The following FBXL7 variants were observed in gnomAD, a reference collection of about 807,000 sequenced individuals.
FBXL7 encodes the protein F-box and leucine rich repeat protein 7.
FBXL7 carries 12 observed loss-of-function variants against 38.3 expected under a neutral mutation model. That is an observed-to-expected ratio of 0.31 (90% CI 0.20 to 0.51). FBXL7 has a LOEUF of 0.51. Among genes scored for constraint, FBXL7 ranks in the 20% least tolerant of loss-of-function variants. FBXL7 has a pLI of 0.98. For synonymous variants in FBXL7, 297 were observed against 300.9 expected, an observed-to-expected ratio of 0.99 and a Z score of 0.13; for missense variants, 567 against 676.4, an observed-to-expected ratio of 0.84 and a Z score of 1.79.
intron 2 of FBXL7, among the ~76,000 whole-genome samples, chr5:15,720,120 A>T (rs918413313): frequency 4.0e-5 from 6 of 149,142 alleles, no homozygotes; most frequent in African/African-American, 1.5e-4. Context: ...TGTGCGTAAA[A>T]TAGGATGTTA....
rs371293320 is a variant in FBXL7 at position 15,777,720 on chromosome 5, TAAAAAAAAAA to T, written c.128-150153_128-150144del. 4.4e-3 allele frequency among the ~76,000 whole-genome samples: 359 copies of T among 82,524 alleles called. 1 individual carries two copies. Among genetic ancestry groups the T allele is most frequent in the Middle Eastern group, 0.022 (3 of 138 alleles). 54.1% of individuals were successfully genotyped at this position (82,524 alleles called of 152,430 possible). ...TATTGTTTGCAAACCCCTATTCTGG[TAAAAAAAAAA>T]AAAAAAAAAAAAAAAAGTAAATTCC... On this transcript the variant is annotated intron_variant, in intron 2 of 3. Transcript: ENST00000504595.
intron 1 of FBXL7, among the ~76,000 whole-genome samples, chr5:15,571,092 TAAAAAAAA>T (rs397996852): frequency 7.7e-6 from 1 of 129,300 alleles, no homozygotes; most frequent in African/African-American, 2.9e-5. Flanking sequence ...ATTCTGTCTT[TAAAAAAAA>T]AAAAAAAAAA....
chr5:15,738,238 G>A (rs905779224), intron 2 of FBXL7, among the ~76,000 whole-genome samples: 24 of 152,100 alleles, frequency 1.6e-4, no homozygotes, highest in Non-Finnish European at 7.3e-5. Context: ...TTCCTTACAT[G>A]TGAAATTAGG....
chr5:15,638,964 T>A (rs113965895), intron 2 of FBXL7, among the ~76,000 whole-genome samples: 5 of 152,176 alleles, frequency 3.3e-5, no homozygotes, highest in Admixed American at 1.3e-4. Flanking sequence ...TAAACCAAAG[T>A]TGGAATTCTC....
chr5:15,846,930 A>T (rs1437284330), intron 2 of FBXL7, among the ~76,000 whole-genome samples: 3 of 152,226 alleles, frequency 2.0e-5, no homozygotes, highest in Admixed American at 2.0e-4. Flanking sequence ...ATTAAAAATT[A>T]TAAGAAAAAA....
intron 1 of FBXL7, among the ~76,000 whole-genome samples, chr5:15,556,084 C>CATCTATCT (rs3033683): frequency 2.8e-3 from 415 of 150,550 alleles, no homozygotes; most frequent in Admixed American, 7.5e-3. Flanking sequence ...TATTATCTAT[C>CATCTATCT]ATCTATCTAT....
intron 2 of FBXL7, among the ~76,000 whole-genome samples, chr5:15,884,922 A>T (rs2126350339): frequency 6.6e-6 from 1 of 152,316 alleles, no homozygotes; most frequent in Admixed American, 6.5e-5. Flanking sequence ...CCAATCAATG[A>T]TGGAGAATGT....
At chr5:15,850,206 T>C (rs1739050327) in intron 2 of FBXL7, among the ~76,000 whole-genome samples, 1 of 152,210 alleles carries the variant, frequency 6.6e-6, no homozygotes, top group Admixed American at 6.5e-5. Context: ...TGGTAAGAGA[T>C]TAAGGCAATC....
intron 2 of FBXL7, among the ~76,000 whole-genome samples, chr5:15,869,006 G>T (rs1257165595): frequency 6.6e-6 from 1 of 152,124 alleles, no homozygotes; most frequent in Non-Finnish European, 1.5e-5. Flanking sequence ...CCAGGCACAG[G>T]TTAGCTAGGG....
At chr5:15,516,100 T>C (rs1351756498) in intron 1 of FBXL7, among the ~76,000 whole-genome samples, 1 of 152,220 alleles carries the variant, frequency 6.6e-6, no homozygotes, top group African/African-American at 2.4e-5. Flanking sequence ...AAAATTCTTT[T>C]TTTTTGATAC....
intron 1 of FBXL7, among the ~76,000 whole-genome samples, chr5:15,600,687 T>C (rs1739763506): frequency 6.6e-6 from 1 of 152,156 alleles, no homozygotes; most frequent in African/African-American, 2.4e-5. Flanking sequence ...ACATATATAA[T>C]CCCTTTTTCT....
At chr5:15,718,038 C>T (rs1744092047) in intron 2 of FBXL7, among the ~76,000 whole-genome samples, 1 of 152,034 alleles carries the variant, frequency 6.6e-6, no homozygotes, top group African/African-American at 2.4e-5. Context: ...GGGATAATAT[C>T]CTTCATAGAA....
intron 2 of FBXL7, among the ~76,000 whole-genome samples, chr5:15,874,254 T>C (rs1391802819): frequency 6.6e-6 from 1 of 152,190 alleles, no homozygotes; most frequent in African/African-American, 2.4e-5. Flanking sequence ...AAACTAGGTA[T>C]TGATGAAACA....
chr5:15,618,994 G>C (rs932449044), intron 2 of FBXL7, among the ~76,000 whole-genome samples: 2 of 152,180 alleles, frequency 1.3e-5, no homozygotes, highest in Non-Finnish European at 2.9e-5. Flanking sequence ...AAATTAAAAA[G>C]AGAAGTTCAT....
chr5:15,668,232 G>C (rs1281090223), intron 2 of FBXL7, among the ~76,000 whole-genome samples: 1 of 152,130 alleles, frequency 6.6e-6, no homozygotes, highest in Non-Finnish European at 1.5e-5. Context: ...ACATTGAACT[G>C]TTCCCTATGT....
At chr5:15,912,725 T>C (rs1741470674) in intron 2 of FBXL7, among the ~76,000 whole-genome samples, 1 of 152,124 alleles carries the variant, frequency 6.6e-6, no homozygotes, top group South Asian at 2.1e-4. Context: ...AGGCCCATGT[T>C]ACTCCACCAT....
intron 2 of FBXL7, among the ~76,000 whole-genome samples, chr5:15,731,670 CCTTT>C (rs1459409440): frequency 3.3e-5 from 5 of 152,218 alleles, no homozygotes; most frequent in African/African-American, 9.6e-5. Context: ...TTCATGAAAG[CCTTT>C]CTTTAATAAT....
intron 1 of FBXL7, among the ~76,000 whole-genome samples, chr5:15,570,718 T>C (rs2126451740): frequency 6.6e-6 from 1 of 152,322 alleles, no homozygotes; most frequent in Admixed American, 6.5e-5. Context: ...CACACACGGC[T>C]CGGCCTGGAC....
intron 2 of FBXL7, among the ~76,000 whole-genome samples, chr5:15,891,679 G>A (rs924068580): frequency 1.8e-4 from 27 of 152,294 alleles, no homozygotes; most frequent in African/African-American, 6.3e-4. Context: ...GGTTATTCTG[G>A]AAGGCTTCCC....
Sources: gnomAD v4.1 joint callset for allele counts (sites outside exome capture counted in the v4.1 genomes callset) on GRCh38, gnomAD v4.1.1 for gene constraint, MANE v1.5 for transcripts, NCBI Gene and HGNC (gene_info 2026-07-23, HGNC 2026-07-21) for gene names.